MYO6: variants seen among roughly 807,000 people sequenced by gnomAD.
MYO6 encodes the protein myosin VI.
MYO6 carries 74 observed loss-of-function variants against 178.7 expected under a neutral mutation model. The observed-to-expected ratio is 0.41, with a 90% CI of 0.34 to 0.50. MYO6 has a LOEUF of 0.50. Among genes scored for constraint, MYO6 ranks in the 20% least tolerant of loss-of-function variants. The pLI is 0.09. For missense variants in MYO6, 1,330 were observed against 1,547.4 expected (o/e 0.86, Z 2.36); for synonymous variants, 477 against 504.6 (o/e 0.95, Z 0.73).
intron 1 of MYO6, among the ~76,000 whole-genome samples, chr6:75,758,087 C>T (rs1485897660): frequency 1.4e-5 from 2 of 146,578 alleles, no homozygotes; most frequent in East Asian, 2.1e-4. Flanking sequence ...AAGCAATTCT[C>T]CTGCCTCAGC....
At position 75,918,470 on chromosome 6, in the gene MYO6, A is replaced by G. The variant is rs1167981888; in HGVS notation, c.*3458A>G. ...GAAATTTTAGAATGAATAATGTGTA[A>G]TTTATAGGATCAGAACGTATGGTTA... is the stretch of plus-strand genomic sequence containing the variant. On this transcript the variant is annotated 3_prime_UTR_variant, in exon 35 of 35. Transcript: ENST00000369977. The G allele has an allele frequency of 6.6e-6, 1 of 152,218 alleles. No homozygotes were observed. Among genetic ancestry groups the G allele is most frequent in the Non-Finnish European group, 1.5e-5 (1 of 68,038 alleles). 9.4% of individuals were successfully genotyped at this position (152,218 alleles called of 1,614,324 possible).
rs1257929453 is a variant in MYO6, at chr6:75,806,743, G to A, written c.-47-10758G>A. Among the ~76,000 whole-genome samples the A allele has an allele frequency of 2.0e-5, 3 of 152,214 alleles. No homozygotes were observed. In the East Asian group the frequency reaches 5.8e-4, roughly 29 times the overall value. On this transcript the variant is annotated intron_variant, in intron 1 of 34. Coordinates refer to ENST00000369977, the MANE Select transcript of MYO6 (RefSeq NM_004999.4). ...TGTTCCTGCTGCAGATAACTAGCCA[G>A]ACCCACCCCTTTATTTAGGCCCATC...
chr6:75,836,037 C>T (rs575165491), intron 7 of MYO6, 81 bp downstream of exon 7: 1 of 933,804 alleles, frequency 1.1e-6, no homozygotes, highest in African/African-American at 1.6e-5. Flanking sequence ...ATGTTCTTCT[C>T]TCAGAGATGC....
intron 18 of MYO6, among the ~76,000 whole-genome samples, chr6:75,868,242 T>C (rs1320217137): frequency 2.6e-5 from 4 of 151,830 alleles, no homozygotes; most frequent in Non-Finnish European, 5.9e-5. Flanking sequence ...GGTAACTGAA[T>C]AAAAAGCCTT....
At chr6:75,836,291 GA>G (rs975281656) in intron 7 of MYO6, among the ~76,000 whole-genome samples, 2 of 152,194 alleles carry the variant, frequency 1.3e-5, no homozygotes, top group Non-Finnish European at 2.9e-5. Flanking sequence ...TTGTGTAAAG[GA>G]AAGAGGAAGA....
chr6:75,910,273 C>G (rs1163740585), intron 32 of MYO6, among the ~76,000 whole-genome samples: 4 of 152,140 alleles, frequency 2.6e-5, no homozygotes, highest in Non-Finnish European at 1.5e-5. Flanking sequence ...CTAACTTTAG[C>G]TTGACAGACT....
intron 30 of MYO6, among the ~76,000 whole-genome samples, chr6:75,899,173 T>C (rs1030288621): frequency 6.6e-6 from 1 of 152,202 alleles, no homozygotes; most frequent in Admixed American, 6.6e-5. Flanking sequence ...GATGTACTTT[T>C]GTTTGAGGTA....
rs1769449468 is a variant in MYO6, at chr6:75,801,476, CTG to C, written c.-47-16023_-47-16022del. 2.0e-5 allele frequency among the ~76,000 whole-genome samples: 3 copies of C among 151,698 alleles called. No individual in the cohort carries two copies. The South Asian group carries it at 6.3e-4, about 32-fold the overall frequency. ...ACTTAGTAACAGAATGAAAGGAAGA[CTG>C]TATGGGCACAGATGCAGCTTGATAT... is the stretch of plus-strand genomic sequence containing the variant. On this transcript the variant is annotated intron_variant, in intron 1 of 34. Transcript: ENST00000369977.
At chr6:75,804,510 T>C (rs981556012) in intron 1 of MYO6, among the ~76,000 whole-genome samples, 2 of 151,980 alleles carry the variant, frequency 1.3e-5, no homozygotes, top group African/African-American at 2.4e-5. Flanking sequence ...CCCTTCATAC[T>C]CCCCTCCACT....
chr6:75,777,976 T>C (rs746252770), intron 1 of MYO6, among the ~76,000 whole-genome samples: 4 of 152,176 alleles, frequency 2.6e-5, no homozygotes, highest in African/African-American at 4.8e-5. Flanking sequence ...TAATTACTTA[T>C]AATGGCCAAG....
At chr6:75,823,288 A>G (rs184957518) in intron 3 of MYO6, among the ~76,000 whole-genome samples, 117 of 152,348 alleles carry the variant, frequency 7.7e-4, no homozygotes, top group Non-Finnish European at 1.5e-3. Context: ...TACTAATTGA[A>G]AAATTAATTT....
intron 1 of MYO6, among the ~76,000 whole-genome samples, chr6:75,817,137 C>T (rs186922259): frequency 3.3e-5 from 5 of 152,056 alleles, no homozygotes; most frequent in African/African-American, 1.2e-4. Context: ...AATCCCATCT[C>T]TACTAAAAAT....
intron 1 of MYO6, among the ~76,000 whole-genome samples, chr6:75,807,815 G>T (rs942769515): frequency 1.3e-5 from 2 of 152,140 alleles, no homozygotes; most frequent in African/African-American, 4.8e-5. Flanking sequence ...CTTTACTGCA[G>T]CCCGTTTTAT....
intron 1 of MYO6, among the ~76,000 whole-genome samples, chr6:75,759,066 C>A (rs1323543144): frequency 4.0e-5 from 6 of 151,898 alleles, no homozygotes; most frequent in Non-Finnish European, 5.9e-5. Flanking sequence ...GACGGGGTTT[C>A]ACCATGTTGG....
chr6:75,781,333 A>G (rs1213036245), intron 1 of MYO6, among the ~76,000 whole-genome samples: 1 of 152,176 alleles, frequency 6.6e-6, no homozygotes, highest in African/African-American at 2.4e-5. Flanking sequence ...GAGAGTAGAA[A>G]TGCAATACAG....
rs765464310 is a variant in MYO6 at position 75,862,650 on chromosome 6, G to T, written c.1601G>T (p.Arg534Leu). 6.2e-7 allele frequency: 1 copy of T among 1,613,846 alleles called. No homozygotes were observed. Reference protein sequence around the residue: ...GILDILDEENRLPQPSDQHFT... With the variant: ...GILDILDEENLLPQPSDQHFT... ...CTGGATATTTTGGATGAAGAAAATC[G>T]CCTTCCCCAGCCAAGTGATCAACAC... Residue 534 changes from arginine to leucine, a missense_variant, in exon 16 of 35, where the codon CGC (arginine) becomes CTC (leucine). Arg to Leu is a moderately radical substitution (Grantham distance 102). Coordinates refer to ENST00000369977, the MANE Select transcript of MYO6 (RefSeq NM_004999.4).
Position 75,778,458 on chromosome 6 carries a change from G to A in MYO6, c.-48+29035G>A, listed in dbSNP as rs894097772. Among the ~76,000 whole-genome samples, 22 of 152,130 alleles carry A rather than the reference G, an allele frequency of 1.4e-4. 1 individual carries two copies. In the South Asian group the frequency reaches 2.1e-3, roughly 14 times the overall value. On this transcript the variant is annotated intron_variant, in intron 1 of 34. Transcript: ENST00000369977. ...AAAATACAAAAAAAATTAGCCGGGC[G>A]TGATGGCGGGCGCCTGTAGTCCCAG...
intron 1 of MYO6, chr6:75,768,296 A>G (rs1179119309): frequency 6.6e-6 from 1 of 151,508 alleles, no homozygotes; most frequent in African/African-American, 2.4e-5. Context: ...AAAATTTCAC[A>G]AAAGAGTTTT....
At chr6:75,906,381 TA>T (rs1341040022) in intron 30 of MYO6, among the ~76,000 whole-genome samples, 1 of 152,132 alleles carries the variant, frequency 6.6e-6, no homozygotes, top group Admixed American at 6.5e-5. Context: ...ATTATATGCA[TA>T]AAAGTCTTAA....
Sources: allele counts gnomAD v4.1 joint callset (sites outside exome capture counted in the v4.1 genomes callset), GRCh38; gene constraint gnomAD v4.1.1; transcripts MANE v1.5; gene names NCBI Gene and HGNC (gene_info 2026-07-23, HGNC 2026-07-21).